The following ACTR3B variants were observed in gnomAD, a reference collection of about 807,000 sequenced individuals.
ACTR3B encodes the protein actin-related protein 3B.
ACTR3B carries 8 observed loss-of-function variants against 59.0 expected under a neutral mutation model. The observed-to-expected ratio is 0.14, with a 90% CI of 0.08 to 0.24. The LOEUF is 0.24. ACTR3B is among the 10% of genes least tolerant of loss of function. The pLI is 1.00. For synonymous variants in ACTR3B, 148 were observed against 197.9 expected (o/e 0.75, Z 2.12); for missense variants, 245 against 552.3 (o/e 0.44, Z 5.58).
chr7:152,773,655 A>G (rs904511714), intron 1 of ACTR3B, among the ~76,000 whole-genome samples: 2 of 152,156 alleles, frequency 1.3e-5, no homozygotes, highest in Non-Finnish European at 2.9e-5. Context: ...CGTGAGTATT[A>G]TTTGATTGCA....
At chr7:152,760,584 C>T (rs1374845809) in intron 1 of ACTR3B, among the ~76,000 whole-genome samples, 2 of 152,310 alleles carry the variant, frequency 1.3e-5, no homozygotes, top group African/African-American at 4.8e-5. Flanking sequence ...ATAGATTTGC[C>T]TTTTCGCTGA....
chr7:152,777,848 G>T (rs1031247855), intron 1 of ACTR3B, among the ~76,000 whole-genome samples: 1 of 151,958 alleles, frequency 6.6e-6, no homozygotes, highest in African/African-American at 2.4e-5. Context: ...CACTCAGGAG[G>T]CTGAGGCAGA....
chr7:152,781,414 A>T (rs930434243), intron 1 of ACTR3B, among the ~76,000 whole-genome samples: 1 of 151,950 alleles, frequency 6.6e-6, no homozygotes, highest in African/African-American at 2.4e-5. Context: ...TTGAGCTGTT[A>T]TTTCTGGAGT....
intron 7 of ACTR3B, among the ~76,000 whole-genome samples, chr7:152,821,669 G>C (rs1465976888): frequency 6.6e-6 from 1 of 152,160 alleles, no homozygotes; most frequent in Non-Finnish European, 1.5e-5. Context: ...GGGCTGATGT[G>C]CTCGATGTGA....
chr7:152,784,830 T>C (rs1314413221), intron 2 of ACTR3B, among the ~76,000 whole-genome samples: 1 of 151,928 alleles, frequency 6.6e-6, no homozygotes, highest in Non-Finnish European at 1.5e-5. Flanking sequence ...CCACCACTCT[T>C]ATTGATGGGG....
intron 9 of ACTR3B, among the ~76,000 whole-genome samples, chr7:152,845,658 T>G (rs1001877518): frequency 6.6e-6 from 1 of 152,220 alleles, no homozygotes; most frequent in African/African-American, 2.4e-5. Flanking sequence ...ATGCCACTCC[T>G]GAAGTGACTT....
At position 152,814,654 on chromosome 7, in the gene ACTR3B, A is replaced by G. The variant is rs371995755; in HGVS notation, c.432+9A>G. ...TCTACATTGCAGTTCAGGTAAAACC[A>G]GTTACGTTTGTGATTCCTAAAGCAC... On this transcript the variant is annotated intron_variant, in intron 5 of 11. Coordinates refer to ENST00000256001, the MANE Select transcript of ACTR3B (RefSeq NM_020445.6). 11 of 1,608,218 alleles carry G rather than the reference A, an allele frequency of 6.8e-6. No individual in the cohort carries two copies. Among genetic ancestry groups the G allele is most frequent in the African/African-American group, 2.7e-5 (2 of 74,728 alleles).
chr7:152,759,873 C>T lies in ACTR3B; in HGVS notation c.-10C>T. ...GCTGCCGGCGGGGCCGAGCGCCGCG[C>T]GTCCCGAGCATGGCAGGCTCCCTGC... is the stretch of plus-strand genomic sequence containing the variant. On this transcript the variant is annotated 5_prime_UTR_variant, in exon 1 of 12. Transcript: ENST00000256001. The T allele has an allele frequency of 7.5e-7, 1 of 1,325,452 alleles. No individual in the cohort carries two copies. Among genetic ancestry groups the T allele is most frequent in the Non-Finnish European group, 9.7e-7 (1 of 1,028,790 alleles). 82.1% of individuals were successfully genotyped at this position (1,325,452 alleles called of 1,614,324 possible).
At chr7:152,794,719 T>C (rs1052497205) in intron 2 of ACTR3B, among the ~76,000 whole-genome samples, 1 of 151,774 alleles carries the variant, frequency 6.6e-6, no homozygotes, top group African/African-American at 2.4e-5. Context: ...ATGGATGTTA[T>C]CTATTTCTAC....
intron 6 of ACTR3B, among the ~76,000 whole-genome samples, chr7:152,817,702 T>A (rs1795815970): frequency 6.6e-6 from 1 of 152,176 alleles, no homozygotes; most frequent in African/African-American, 2.4e-5. Flanking sequence ...TTTCTGCATA[T>A]GTATATGGGG....
At chr7:152,792,398 T>C (rs2098199627) in intron 2 of ACTR3B, among the ~76,000 whole-genome samples, 1 of 152,148 alleles carries the variant, frequency 6.6e-6, no homozygotes, top group African/African-American at 2.4e-5. Context: ...TCATTTCTTT[T>C]CTCTTTAGAG....
chr7:152,784,090 CAAA>C (rs1158103116), intron 2 of ACTR3B, among the ~76,000 whole-genome samples: 1 of 124,700 alleles, frequency 8.0e-6, no homozygotes, highest in African/African-American at 3.0e-5. Context: ...AACTCCGTCT[CAAA>C]AAAAAAAAAA....
At chr7:152,808,258 T>C (rs1211976719) in intron 4 of ACTR3B, among the ~76,000 whole-genome samples, 3 of 151,986 alleles carry the variant, frequency 2.0e-5, no homozygotes, top group African/African-American at 7.2e-5. Flanking sequence ...CACATTCTGC[T>C]TATTCTCTGG....
At chr7:152,760,688 CT>C (rs1481827789) in intron 1 of ACTR3B, among the ~76,000 whole-genome samples, 2 of 152,128 alleles carry the variant, frequency 1.3e-5, no homozygotes, top group Admixed American at 6.5e-5. Flanking sequence ...TTGTTTTTAA[CT>C]TTTTGAGTGT....
Position 152,812,019 on chromosome 7 carries a change from C to CT in ACTR3B, c.337-2502dup, listed in dbSNP as rs1164677748. The CT allele has an allele frequency of 3.2e-3, 75 of 23,370 alleles. 21 individuals carry two copies. Among genetic ancestry groups the CT allele is most frequent in the South Asian group, 4.3e-3 (3 of 698 alleles). The allele number at this position is 23,370 out of a possible 1,614,324, so 1.4% of individuals were successfully genotyped here. On this transcript the variant is annotated intron_variant, in intron 4 of 11. Coordinates refer to ENST00000256001, the MANE Select transcript of ACTR3B (RefSeq NM_020445.6). ...TTCTTAATTCCCAGAAAATAAAAGT[C>CT]TTTTTTTTTTTTTTTTTTTTTTTTT...
intron 9 of ACTR3B, among the ~76,000 whole-genome samples, chr7:152,834,652 C>T (rs907087199): frequency 5.3e-5 from 8 of 152,162 alleles, no homozygotes; most frequent in African/African-American, 1.9e-4. Flanking sequence ...GTGTCTGTTT[C>T]GATACCAACT....
chr7:152,846,398 G>A (rs1004295619), intron 9 of ACTR3B, among the ~76,000 whole-genome samples: 8 of 138,170 alleles, frequency 5.8e-5, no homozygotes, highest in African/African-American at 2.2e-4. Flanking sequence ...CCTAGTGCCC[G>A]GGGCTGTAGT....
intron 9 of ACTR3B, among the ~76,000 whole-genome samples, chr7:152,844,100 C>G (rs1798077991): frequency 6.6e-6 from 1 of 152,130 alleles, no homozygotes; most frequent in Non-Finnish European, 1.5e-5. Context: ...TGGAGTTGCC[C>G]AGGTTGGAGT....
intron 10 of ACTR3B, among the ~76,000 whole-genome samples, chr7:152,852,982 G>A (rs1482365969): frequency 6.6e-6 from 1 of 151,896 alleles, no homozygotes; most frequent in African/African-American, 2.4e-5. Flanking sequence ...TAGTAGAGAT[G>A]GGGTTTCACC....
Sources: gnomAD v4.1 joint callset for allele counts (sites outside exome capture counted in the v4.1 genomes callset) on GRCh38, gnomAD v4.1.1 for gene constraint, MANE v1.5 for transcripts, NCBI Gene and HGNC (gene_info 2026-07-23, HGNC 2026-07-21) for gene names.